Variants in FBXL13 observed in about 807,000 individuals in gnomAD.
FBXL13 encodes the protein F-box and leucine rich repeat protein 13, also known as F-box and leucine-rich repeat protein 13.
A neutral mutation model predicts 83.6 loss-of-function variants in FBXL13; 67 were observed. That is an observed-to-expected ratio of 0.80 (90% CI 0.66 to 0.98). The LOEUF is 0.98. FBXL13 is among the 50% of genes least tolerant of loss of function. FBXL13 has a pLI of 0.00. For synonymous variants in FBXL13, 272 were observed against 299.5 expected (o/e 0.91, Z 0.95); for missense variants, 822 against 866.5 (o/e 0.95, Z 0.64).
exon 18 of FBXL13, chr7:102,832,905 T>A (rs750925116): frequency 1.2e-6 from 2 of 1,614,208 alleles, no homozygotes; most frequent in South Asian, 2.2e-5. Flanking sequence ...GCTTTGATAA[T>A]CATATCTGAC....
chr7:103,074,472 C>T (rs1252967226), exon 1 of FBXL13: 36 of 1,137,722 alleles, frequency 3.2e-5, no homozygotes, highest in Non-Finnish European at 3.6e-5. Flanking sequence ...ACCCATTCCC[C>T]ACGTGCAGCC....
intron 10 of FBXL13, among the ~76,000 whole-genome samples, chr7:102,924,490 A>G (rs2129471523): frequency 6.6e-6 from 1 of 152,220 alleles, no homozygotes; most frequent in Non-Finnish European, 1.5e-5. Context: ...TCAAAGGGAA[A>G]GCTTTATAGA....
chr7:103,019,213 C>CCGAA (rs766555773), intron 6 of FBXL13, among the ~76,000 whole-genome samples: 21 of 152,208 alleles, frequency 1.4e-4, no homozygotes, highest in Admixed American at 2.6e-4. Context: ...TAACCTGCTT[C>CCGAA]TGAATGACTA....
chr7:102,852,299 G>GT (rs1206283214), intron 17 of FBXL13, among the ~76,000 whole-genome samples: 8 of 152,136 alleles, frequency 5.3e-5, no homozygotes, highest in Non-Finnish European at 4.4e-5. Flanking sequence ...ATCCATTTCT[G>GT]TTTTTTCTAC....
At position 102,858,177 on chromosome 7, in the gene FBXL13, T is replaced by C. The variant is rs79707395; in HGVS notation, c.1636-3317A>G. 3.2e-3 allele frequency among the ~76,000 whole-genome samples: 493 copies of C among 152,342 alleles called. 3 individuals carry two copies. The highest frequency in any genetic ancestry group is 0.011 in the African/African-American group (471 of 41,584). The stretch of plus-strand genomic sequence containing the variant: ...ACATGGATGAGCCTGGAGGACATGA[T>C]GTTAAGCAAAATAAGATAAGCACAG... On this transcript the variant is annotated intron_variant, in intron 16 of 19. Coordinates refer to ENST00000313221, the Ensembl canonical transcript of FBXL13.
chr7:102,892,160 T>A (rs2129460516), intron 11 of FBXL13, among the ~76,000 whole-genome samples: 1 of 152,224 alleles, frequency 6.6e-6, no homozygotes, highest in East Asian at 1.9e-4. Context: ...CAAACCCTTT[T>A]TTCAGGAATA....
At chr7:102,909,081 G>A (rs1443443719) in intron 11 of FBXL13, among the ~76,000 whole-genome samples, 2 of 152,204 alleles carry the variant, frequency 1.3e-5, no homozygotes, top group Non-Finnish European at 2.9e-5. Flanking sequence ...GTGTTCTATT[G>A]CACTGCGGCT....
At chr7:102,817,736 T>C (rs898505204) in intron 19 of FBXL13, among the ~76,000 whole-genome samples, 1 of 152,132 alleles carries the variant, frequency 6.6e-6, no homozygotes, top group Non-Finnish European at 1.5e-5. Flanking sequence ...CTAGGAAATA[T>C]TGAAAAAAAC....
At chr7:103,024,184 A>AGAGAGG (rs1793577421) in intron 6 of FBXL13, among the ~76,000 whole-genome samples, 3 of 145,282 alleles carry the variant, frequency 2.1e-5, no homozygotes, top group South Asian at 2.2e-4. Context: ...AGAGAGAGAG[A>AGAGAGG]GAAATAATTA....
chr7:103,033,598 C>A (rs780407167), intron 2 of FBXL13, among the ~76,000 whole-genome samples: 1 of 151,970 alleles, frequency 6.6e-6, no homozygotes, highest in Non-Finnish European at 1.5e-5. Context: ...CTTAAGGCAG[C>A]GCGTCTGGAG....
At chr7:102,850,208 C>T (rs1804965996) in intron 17 of FBXL13, among the ~76,000 whole-genome samples, 1 of 152,052 alleles carries the variant, frequency 6.6e-6, no homozygotes, top group Non-Finnish European at 1.5e-5. Flanking sequence ...AAAAATAGTA[C>T]AATTTTTAGG....
chr7:102,834,260 C>T (rs929009442), intron 17 of FBXL13, among the ~76,000 whole-genome samples: 4 of 150,562 alleles, frequency 2.7e-5, no homozygotes, highest in African/African-American at 9.7e-5. Flanking sequence ...GAAGCAGCTC[C>T]TCTTAGAATA....
intron 1 of FBXL13, among the ~76,000 whole-genome samples, chr7:103,065,954 T>C (rs574114614): frequency 6.6e-6 from 1 of 152,334 alleles, no homozygotes; most frequent in East Asian, 1.9e-4. Context: ...CTGGAAGCTG[T>C]GTCATGTGAA....
chr7:103,007,734 T>C (rs1237631814), intron 6 of FBXL13, among the ~76,000 whole-genome samples: 1 of 152,120 alleles, frequency 6.6e-6, no homozygotes, highest in Admixed American at 6.6e-5. Context: ...CCCTTTTCCT[T>C]TCTCCTTCCC....
intron 19 of FBXL13, among the ~76,000 whole-genome samples, chr7:102,815,013 G>C (rs1237514293): frequency 6.6e-6 from 1 of 152,004 alleles, no homozygotes; most frequent in Non-Finnish European, 1.5e-5. Flanking sequence ...CACATTTTCT[G>C]AACATTTTTC....
intron 6 of FBXL13, among the ~76,000 whole-genome samples, chr7:102,976,911 T>C (rs117698647): frequency 0.024 from 3,669 of 152,312 alleles, 63 homozygotes; most frequent in Non-Finnish European, 0.036. Context: ...CCATATACTT[T>C]ACTTTCTGCA....
At chr7:103,069,795 T>C (rs2129505175) in intron 1 of FBXL13, among the ~76,000 whole-genome samples, 1 of 152,300 alleles carries the variant, frequency 6.6e-6, no homozygotes, top group Non-Finnish European at 1.5e-5. Context: ...TTACTAGGTA[T>C]GGGCTGGGCG....
intron 9 of FBXL13, among the ~76,000 whole-genome samples, chr7:102,928,784 T>G (rs919468791): frequency 3.9e-5 from 6 of 152,218 alleles, no homozygotes; most frequent in African/African-American, 9.6e-5. Flanking sequence ...ACAACTTCAT[T>G]ATAATGACAG....
intron 17 of FBXL13, among the ~76,000 whole-genome samples, chr7:102,836,977 G>A (rs1802100845): frequency 6.6e-6 from 1 of 152,156 alleles, no homozygotes; most frequent in East Asian, 1.9e-4. Flanking sequence ...TGGTAATTCT[G>A]GAAAATATGT....
Sources: allele counts gnomAD v4.1 joint callset (sites outside exome capture counted in the v4.1 genomes callset), GRCh38; gene constraint gnomAD v4.1.1; transcripts MANE v1.5; gene names NCBI Gene and HGNC (gene_info 2026-07-23, HGNC 2026-07-21).